NRG1: variants seen among roughly 807,000 people sequenced by gnomAD.
NRG1 encodes the protein pro-neuregulin-1, membrane-bound isoform.
A neutral mutation model predicts 63.8 loss-of-function variants in NRG1; 18 were observed. The ratio of observed to expected loss-of-function variants is 0.28; its 90% confidence interval spans 0.19 to 0.42. NRG1 has a LOEUF of 0.42. Among genes scored for constraint, NRG1 ranks in the 10% least tolerant of loss-of-function variants. The pLI is 1.00. For synonymous variants in NRG1, 302 were observed against 301.3 expected (o/e 1.00, Z -0.02); for missense variants, 762 against 814.7 (o/e 0.94, Z 0.79).
rs1178570439 is a variant in NRG1 at position 32,680,565 on chromosome 8, T to C, written c.503-47384T>C. Among the ~76,000 whole-genome samples, 7 of 152,226 alleles carry C rather than the reference T, an allele frequency of 4.6e-5. No individual in the cohort carries two copies. In the East Asian group the frequency reaches 1.4e-3, roughly 29 times the overall value. On this transcript the variant is annotated intron_variant, in intron 5 of 11. Transcript: ENST00000356819. ...GGCTGAAGGAGAGACATAATATAGA[T>C]GATGATGTTAATGATAGCAATGGTA...
chr8:32,747,320 G>T (rs544561943), intron 7 of NRG1, among the ~76,000 whole-genome samples: 1 of 152,146 alleles, frequency 6.6e-6, no homozygotes, highest in East Asian at 1.9e-4. Context: ...GGAGAAAAAG[G>T]CAAGGGAAGG....
intron 5 of NRG1, among the ~76,000 whole-genome samples, chr8:32,620,061 A>G (rs1297766635): frequency 1.3e-5 from 2 of 152,212 alleles, no homozygotes; most frequent in Non-Finnish European, 2.9e-5. Context: ...CATTTAGTAA[A>G]GGCTGAAGGT....
At chr8:32,714,866 C>T (rs999219957) in intron 5 of NRG1, among the ~76,000 whole-genome samples, 2 of 152,194 alleles carry the variant, frequency 1.3e-5, no homozygotes, top group African/African-American at 4.8e-5. Flanking sequence ...GTGTTAGCTC[C>T]CCAAGCATGA....
chr8:32,090,009 A>G (rs1828868545), intron 1 of NRG1, among the ~76,000 whole-genome samples: 1 of 152,212 alleles, frequency 6.6e-6, no homozygotes, highest in Non-Finnish European at 1.5e-5. Flanking sequence ...TGGCTACATT[A>G]GTAACTCTTT....
At chr8:32,576,287 CT>C (rs1386460482) in intron 1 of NRG1, among the ~76,000 whole-genome samples, 5 of 152,066 alleles carry the variant, frequency 3.3e-5, no homozygotes, top group Admixed American at 2.6e-4. Context: ...TCAGGAGAAA[CT>C]TTTTGGAATA....
downstream of NRG1, among the ~76,000 whole-genome samples, chr8:32,768,878 C>A (rs1042512840): frequency 3.9e-5 from 6 of 152,164 alleles, no homozygotes; most frequent in African/African-American, 1.2e-4. Flanking sequence ...GTACCTAATT[C>A]CTATTACCTA....
intron 1 of NRG1, among the ~76,000 whole-genome samples, chr8:31,863,590 G>T (rs13250687): frequency 0.055 from 8,382 of 152,202 alleles, 292 homozygotes; most frequent in Admixed American, 0.12. Flanking sequence ...ACACCCATAG[G>T]TCCATCATAT....
At chr8:31,857,756 A>C (rs1179988478) in intron 1 of NRG1, among the ~76,000 whole-genome samples, 1 of 152,228 alleles carries the variant, frequency 6.6e-6, no homozygotes, top group Admixed American at 6.5e-5. Flanking sequence ...AGACTATGAA[A>C]GTGATGTTAG....
chr8:31,697,538 T>C (rs1006018403), intron 1 of NRG1, among the ~76,000 whole-genome samples: 10 of 152,324 alleles, frequency 6.6e-5, no homozygotes, highest in Non-Finnish European at 1.3e-4. Flanking sequence ...ACATATATAA[T>C]ATTTTTCTAA....
At position 31,640,554 on chromosome 8, in the gene NRG1, C is replaced by A. The variant is rs553243705; in HGVS notation, c.37+1123C>A. 1.2e-6 allele frequency: 2 copies of A among 1,611,678 alleles called. No homozygotes were observed. The highest frequency in any genetic ancestry group is 2.2e-5 in the East Asian group (1 of 44,732). The stretch of plus-strand genomic sequence containing the variant: ...CCGTGCGCCTGGGGACCTGGGGCCA[C>A]CCCGCCTTCCCCTCCTGCGGGAGGC... On this transcript the variant is annotated intron_variant, in intron 1 of 10. Coordinates refer to the NRG1 transcript ENST00000519301. The surrounding 1 kb of genome is among the most constrained non-coding windows in gnomAD (Gnocchi z 6.3).
At chr8:31,796,863 G>C (rs1188535571) in intron 1 of NRG1, among the ~76,000 whole-genome samples, 1 of 152,096 alleles carries the variant, frequency 6.6e-6, no homozygotes, top group African/African-American at 2.4e-5. Context: ...AATTCTGAAG[G>C]AGAATTCTTT....
chr8:31,867,431 T>C (rs922410096), intron 1 of NRG1, among the ~76,000 whole-genome samples: 4 of 152,186 alleles, frequency 2.6e-5, no homozygotes, highest in Non-Finnish European at 5.9e-5. Flanking sequence ...CAATTTGTCC[T>C]TTTGAAATTC....
intron 5 of NRG1, among the ~76,000 whole-genome samples, chr8:32,623,266 C>A (rs1848651609): frequency 6.6e-6 from 1 of 152,108 alleles, no homozygotes; most frequent in African/African-American, 2.4e-5. Flanking sequence ...ACCCATGGCT[C>A]TTACATTCTA....
At chr8:31,738,475 T>G (rs1464444000) in intron 1 of NRG1, among the ~76,000 whole-genome samples, 1 of 152,238 alleles carries the variant, frequency 6.6e-6, no homozygotes, top group Admixed American at 6.5e-5. Context: ...CATACATTGA[T>G]TTTCTTAAAC....
At position 32,705,543 on chromosome 8, in the gene NRG1, T is replaced by A. The variant is rs200408697; in HGVS notation, c.503-22406T>A. ...TAGAAAATTTGTGAAGGACATTAGG[T>A]GTTTCTCCACTTTGAGAGGGGATCT... On this transcript the variant is annotated intron_variant, in intron 5 of 11. Transcript: ENST00000356819. 2.2e-4 allele frequency among the ~76,000 whole-genome samples: 33 copies of A among 152,320 alleles called. No homozygotes were observed. The East Asian group carries it at 4.6e-3, about 21-fold the overall frequency.
At chr8:32,315,621 G>C (rs551144121) in intron 1 of NRG1, among the ~76,000 whole-genome samples, 4 of 152,264 alleles carry the variant, frequency 2.6e-5, no homozygotes, top group South Asian at 4.1e-4. Flanking sequence ...GAATATAAAG[G>C]CTTTGAATAG....
chr8:32,171,529 G>A (rs1840038590), intron 1 of NRG1: 1 of 152,302 alleles, frequency 6.6e-6, no homozygotes, highest in Admixed American at 6.5e-5. Context: ...CACCCAGCAT[G>A]AGCCAAAGCA....
chr8:31,852,993 A>G (rs1161043787), intron 1 of NRG1, among the ~76,000 whole-genome samples: 1 of 151,924 alleles, frequency 6.6e-6, no homozygotes, highest in Non-Finnish European at 1.5e-5. Context: ...TACCAGTACC[A>G]TGCTGTTTTG....
chr8:31,718,137 C>G (rs958808047), intron 1 of NRG1, among the ~76,000 whole-genome samples: 1 of 152,064 alleles, frequency 6.6e-6, no homozygotes, highest in Non-Finnish European at 1.5e-5. Flanking sequence ...GTGAAATACC[C>G]AGAAAACTAA....
Sources: allele counts gnomAD v4.1 joint callset (sites outside exome capture counted in the v4.1 genomes callset), GRCh38; gene constraint gnomAD v4.1.1; non-coding constraint Gnocchi (gnomAD v3.1); transcripts MANE v1.5; gene names NCBI Gene and HGNC (gene_info 2026-07-23, HGNC 2026-07-21).